NBDY: variants seen among roughly 807,000 people sequenced by gnomAD.
NBDY encodes negative regulator of P-body association, also known as P-body dissociating protein.
At chrX:56,813,361 C>A (rs537655969) in intron 2 of NBDY, among the ~76,000 whole-genome samples, 1 of 110,800 alleles carries the variant, frequency 9.0e-6, no homozygotes. Flanking sequence ...TTCTTTCCAG[C>A]CCAGCCATGT....
chrX:56,812,690 G>T (rs1478668011), intron 2 of NBDY, among the ~76,000 whole-genome samples: 3 of 111,332 alleles, frequency 2.7e-5, no homozygotes, highest in Non-Finnish European at 5.7e-5. Context: ...ATATCTCTTT[G>T]TCACTTGTTG....
chrX:56,805,966 C>A (rs1290088246), intron 2 of NBDY, among the ~76,000 whole-genome samples: 1 of 111,009 alleles, frequency 9.0e-6, no homozygotes, highest in East Asian at 2.8e-4. Context: ...GCTATCCCTC[C>A]CCTAGCTCCC....
At chrX:56,765,524 G>A (rs1602657964) in intron 2 of NBDY, among the ~76,000 whole-genome samples, 1 of 111,738 alleles carries the variant, frequency 8.9e-6, no homozygotes, top group Non-Finnish European at 1.9e-5. Flanking sequence ...CCTTTAAGCC[G>A]GATGTCAGAA....
intron 2 of NBDY, among the ~76,000 whole-genome samples, chrX:56,766,901 C>T (rs1477226406): frequency 8.9e-6 from 1 of 112,682 alleles, no homozygotes; most frequent in Non-Finnish European, 1.9e-5. Context: ...ACAGCCTGAG[C>T]AGAGTCAGTC....
chrX:56,784,200 G>A (rs575788518), intron 2 of NBDY, among the ~76,000 whole-genome samples: 5 of 112,383 alleles, frequency 4.4e-5, no homozygotes, highest in African/African-American at 9.7e-5. Flanking sequence ...TGAGGTGCAC[G>A]ACACTTGTCC....
chrX:56,812,792 T>C (rs2069893670), intron 2 of NBDY, among the ~76,000 whole-genome samples: 1 of 111,896 alleles, frequency 8.9e-6, no homozygotes, highest in African/African-American at 3.3e-5. Context: ...GTTCTTTTTC[T>C]CCTCTTTCTT....
chrX:56,804,512 G>A (rs997720739), intron 2 of NBDY, among the ~76,000 whole-genome samples: 6 of 112,218 alleles, frequency 5.3e-5, no homozygotes, highest in African/African-American at 1.6e-4. Context: ...TAATTCCCCG[G>A]GCATCTTAGT....
chrX:56,764,702 C>CAAAAAAAAAAAAAAAAAAAAAAAAA (rs10623590), intron 2 of NBDY, among the ~76,000 whole-genome samples: 3 of 60,796 alleles, frequency 4.9e-5, no homozygotes, highest in Non-Finnish European at 9.2e-5. Flanking sequence ...AAACAAACAC[C>CAAAAAAAAAAAAAAAAAAAAAAAAA]AAAAAAAAAA....
intron 2 of NBDY, among the ~76,000 whole-genome samples, chrX:56,815,742 T>C (rs1447373101): frequency 8.9e-6 from 1 of 112,165 alleles, no homozygotes; most frequent in Admixed American, 9.5e-5. Context: ...TATGAGATAT[T>C]ATTAAATAAA....
At chrX:56,751,279 T>A (rs764393266) in intron 2 of NBDY, among the ~76,000 whole-genome samples, 5 of 111,707 alleles carry the variant, frequency 4.5e-5, no homozygotes, top group South Asian at 3.7e-4. Context: ...TCCTGCTCAT[T>A]TGTCATAGCC....
At chrX:56,807,201 G>C (rs1436029233) in intron 2 of NBDY, among the ~76,000 whole-genome samples, 2 of 112,208 alleles carry the variant, frequency 1.8e-5, no homozygotes, top group Non-Finnish European at 3.8e-5. Context: ...GTATCATGCT[G>C]TTTTGGTTAC....
At chrX:56,784,979 C>T (rs1374334867) in intron 2 of NBDY, among the ~76,000 whole-genome samples, 1 of 112,116 alleles carries the variant, frequency 8.9e-6, no homozygotes, top group Non-Finnish European at 1.9e-5. Context: ...TCTGTCTTTG[C>T]TTGTTACAAA....
chrX:56,758,355 C>A (rs955177137), intron 2 of NBDY, among the ~76,000 whole-genome samples: 3 of 109,721 alleles, frequency 2.7e-5, no homozygotes, highest in African/African-American at 1.0e-4. Flanking sequence ...AGAAAGGCAG[C>A]CAGGTCCAAC....
Sources: allele counts gnomAD v4.1 joint callset (sites outside exome capture counted in the v4.1 genomes callset), GRCh38; gene constraint gnomAD v4.1.1; transcripts MANE v1.5; gene names NCBI Gene and HGNC (gene_info 2026-07-23, HGNC 2026-07-21).